The following RBMS3 variants were observed in gnomAD, a reference collection of about 807,000 sequenced individuals.
RBMS3 encodes the protein RNA binding motif single stranded interacting protein 3.
Under a neutral mutation model 66.8 loss-of-function variants are expected in RBMS3, and 27 were observed. The observed-to-expected ratio is 0.40, with a 90% CI of 0.30 to 0.56. The LOEUF (loss-of-function observed/expected upper bound fraction) is 0.56. RBMS3 is among the 20% of genes least tolerant of loss of function. The pLI, the probability that RBMS3 is intolerant of heterozygous loss-of-function variation, is 0.40. For synonymous variants in RBMS3, 188 were observed against 183.0 expected (o/e 1.03, Z -0.22); for missense variants, 513 against 549.5 (o/e 0.93, Z 0.66).
intron 6 of RBMS3, among the ~76,000 whole-genome samples, chr3:29,794,949 A>G (rs2057133390): frequency 6.6e-6 from 1 of 152,142 alleles, no homozygotes; most frequent in African/African-American, 2.4e-5. Context: ...GCATAACTCT[A>G]TGCTTCCCAT....
chr3:29,963,152 T>C (rs7612854), intron 12 of RBMS3, among the ~76,000 whole-genome samples: 32,671 of 152,050 alleles, frequency 0.21, 3,580 homozygotes, highest in East Asian at 0.27. Context: ...ATTTGATTTA[T>C]CTTTTGGTCA....
At chr3:29,389,632 A>C (rs2039186961) in intron 1 of RBMS3, among the ~76,000 whole-genome samples, 1 of 152,234 alleles carries the variant, frequency 6.6e-6, no homozygotes. Flanking sequence ...GGATGGTGAT[A>C]AATATGCTTA....
At chr3:29,979,977 T>C (rs921308840) in intron 12 of RBMS3, among the ~76,000 whole-genome samples, 5 of 152,296 alleles carry the variant, frequency 3.3e-5, no homozygotes, top group African/African-American at 1.2e-4. Flanking sequence ...GGTCAAATTG[T>C]ATTTCTGGTT....
chr3:29,744,785 G>GAAAA (rs1553655159), intron 5 of RBMS3, among the ~76,000 whole-genome samples: 20 of 138,196 alleles, frequency 1.4e-4, no homozygotes, highest in Admixed American at 1.5e-4. Context: ...CTCCGTCTCG[G>GAAAA]AAAAAAAAAA....
chr3:29,782,783 C>T (rs1397793670), intron 6 of RBMS3, among the ~76,000 whole-genome samples: 2 of 152,002 alleles, frequency 1.3e-5, no homozygotes, highest in East Asian at 1.9e-4. Context: ...ATCAAAAACA[C>T]GTTACAGGAT....
chr3:29,443,776 G>A (rs1457487488), intron 2 of RBMS3, among the ~76,000 whole-genome samples: 1 of 152,092 alleles, frequency 6.6e-6, no homozygotes, highest in Non-Finnish European at 1.5e-5. Context: ...TGGTAGAGGA[G>A]GTTAAGTGGG....
chr3:29,652,857 TA>T (rs1365977284), intron 4 of RBMS3, among the ~76,000 whole-genome samples: 1 of 152,158 alleles, frequency 6.6e-6, no homozygotes, highest in Admixed American at 6.5e-5. Context: ...CCCAGAAGTG[TA>T]AGGCTGACCT....
intron 12 of RBMS3, among the ~76,000 whole-genome samples, chr3:29,963,203 A>G (rs1050681343): frequency 6.6e-6 from 1 of 152,192 alleles, no homozygotes; most frequent in African/African-American, 2.4e-5. Flanking sequence ...ATCATTTCCC[A>G]AACATTCCCT....
At position 29,504,195 on chromosome 3, in the gene RBMS3, CAT is replaced by C. The variant is rs150527557; in HGVS notation, c.307+15699_307+15700del. 1.5e-3 allele frequency among the ~76,000 whole-genome samples: 235 copies of C among 152,218 alleles called. 1 individual carries two copies. The highest frequency in any genetic ancestry group is 5.5e-3 in the African/African-American group (227 of 41,542). ...GGACTGATGTTTTGCCCAGGTCACA[CAT>C]ATGTCTGAGCCGTGCCAGTTAGTAG... is the stretch of plus-strand genomic sequence containing the variant. On this transcript the variant is annotated intron_variant, in intron 3 of 14. Transcript: ENST00000383767.
At chr3:29,438,943 C>G (rs2041504358) in intron 2 of RBMS3, among the ~76,000 whole-genome samples, 1 of 152,048 alleles carries the variant, frequency 6.6e-6, no homozygotes, top group Non-Finnish European at 1.5e-5. Flanking sequence ...CAAGATTAGA[C>G]CTAGTTAGGG....
At chr3:29,857,699 C>A (rs58040997) in intron 6 of RBMS3, among the ~76,000 whole-genome samples, 19,710 of 151,946 alleles carry the variant, frequency 0.13, 1,315 homozygotes, top group African/African-American at 0.16. Flanking sequence ...TTACCCTCAG[C>A]CACTCTGCAG....
chr3:29,747,544 A>T (rs2149360659), intron 5 of RBMS3, among the ~76,000 whole-genome samples: 1 of 152,312 alleles, frequency 6.6e-6, no homozygotes, highest in Non-Finnish European at 1.5e-5. Flanking sequence ...CCCACAAAAA[A>T]AATCTGCTTT....
chr3:29,955,574 C>T (rs1478490277), intron 12 of RBMS3, among the ~76,000 whole-genome samples: 1 of 151,992 alleles, frequency 6.6e-6, no homozygotes, highest in African/African-American at 2.4e-5. Flanking sequence ...TTCCACTGGA[C>T]CCGTGAAACA....
intron 4 of RBMS3, among the ~76,000 whole-genome samples, chr3:29,588,894 C>T (rs371598344): frequency 1.3e-5 from 2 of 152,092 alleles, no homozygotes; most frequent in South Asian, 4.1e-4. Flanking sequence ...CTGAAAGTAA[C>T]ACCTACTTCC....
intron 2 of RBMS3, among the ~76,000 whole-genome samples, chr3:29,481,018 A>T (rs1489588847): frequency 6.6e-6 from 1 of 152,170 alleles, no homozygotes; most frequent in Admixed American, 6.5e-5. Context: ...TCTGTCTGAG[A>T]TTGGATCCTG....
chr3:29,876,205 T>C (rs1315148486), intron 7 of RBMS3, among the ~76,000 whole-genome samples: 7 of 152,164 alleles, frequency 4.6e-5, no homozygotes, highest in Non-Finnish European at 8.8e-5. Context: ...CCTCCTAGGT[T>C]CCTGCCTGTA....
At chr3:29,661,068 G>T (rs563834411) in intron 4 of RBMS3, among the ~76,000 whole-genome samples, 219 of 152,320 alleles carry the variant, frequency 1.4e-3, no homozygotes, top group African/African-American at 4.8e-3. Context: ...CATGCGTACA[G>T]CTACCTGCCA....
At chr3:29,623,759 G>T (rs1340193565) in intron 4 of RBMS3, among the ~76,000 whole-genome samples, 1 of 152,072 alleles carries the variant, frequency 6.6e-6, no homozygotes, top group East Asian at 1.9e-4. Flanking sequence ...AATCCCAAAT[G>T]CCCTTCATCA....
chr3:29,401,108 A>G (rs900298018), intron 1 of RBMS3, among the ~76,000 whole-genome samples: 5 of 152,036 alleles, frequency 3.3e-5, no homozygotes, highest in African/African-American at 1.2e-4. Flanking sequence ...CTGGTGTCAT[A>G]TGGGATAAGA....
Sources: gnomAD v4.1 joint callset for allele counts (sites outside exome capture counted in the v4.1 genomes callset) on GRCh38, gnomAD v4.1.1 for gene constraint, MANE v1.5 for transcripts, NCBI Gene and HGNC (gene_info 2026-07-23, HGNC 2026-07-21) for gene names.